GTF2B: variants seen among roughly 807,000 people sequenced by gnomAD.
GTF2B encodes general transcription factor IIB.
In GTF2B, 20 loss-of-function variants were observed where a neutral mutation model predicts 34.6. The ratio of observed to expected loss-of-function variants is 0.58; its 90% CI spans 0.41 to 0.84. The LOEUF is 0.84. Among genes scored for constraint, GTF2B ranks in the 40% least tolerant of loss-of-function variants. The pLI is 0.00. For missense variants in GTF2B, 237 were observed against 393.3 expected, an observed-to-expected ratio of 0.60 and a Z score of 3.36; for synonymous variants, 142 against 132.4, an observed-to-expected ratio of 1.07 and a Z score of -0.50.
intron 2 of GTF2B, among the ~76,000 whole-genome samples, chr1:88,869,449 CAAAACTTTTT>C (rs1245047472): frequency 6.6e-6 from 1 of 151,928 alleles, no homozygotes; most frequent in Non-Finnish European, 1.5e-5. Context: ...AAATATATCT[CAAAACTTTTT>C]GAAATTTTTT....
chr1:88,872,572 A>G (rs1187767779), intron 2 of GTF2B, among the ~76,000 whole-genome samples: 1 of 151,902 alleles, frequency 6.6e-6, no homozygotes, highest in Non-Finnish European at 1.5e-5. Context: ...GCTATGCACA[A>G]TTCTTGATTT....
At chr1:88,876,770 T>G (rs953825498) in intron 2 of GTF2B, among the ~76,000 whole-genome samples, 3 of 152,230 alleles carry the variant, frequency 2.0e-5, no homozygotes, top group African/African-American at 7.2e-5. Flanking sequence ...GACTCAGCAA[T>G]TCTGAGATGT....
At chr1:88,882,224 C>T (rs899532133) in intron 2 of GTF2B, among the ~76,000 whole-genome samples, 4 of 146,634 alleles carry the variant, frequency 2.7e-5, no homozygotes, top group Non-Finnish European at 5.9e-5. Flanking sequence ...GTACAAGAAT[C>T]GCTTGAACCC....
At chr1:88,857,514 A>T in intron 5 of GTF2B, 27 bp from the exon 6 acceptor site, 1 of 1,225,968 alleles carries the variant, frequency 8.2e-7, no homozygotes. Context: ...TAAATAAATC[A>T]ATTCACTTAA....
intron 2 of GTF2B, among the ~76,000 whole-genome samples, chr1:88,871,465 A>T (rs1673692173): frequency 6.6e-6 from 1 of 152,240 alleles, no homozygotes; most frequent in South Asian, 2.1e-4. Flanking sequence ...GGGGGAAGGG[A>T]AATGTGGGAA....
At chr1:88,855,599 C>T (rs1388755347) in intron 6 of GTF2B, among the ~76,000 whole-genome samples, 2 of 151,468 alleles carry the variant, frequency 1.3e-5, no homozygotes, top group African/African-American at 4.9e-5. Context: ...GCAATCCACT[C>T]ACCTTGGCCT....
chr1:88,870,643 A>G (rs1477352071), intron 2 of GTF2B, among the ~76,000 whole-genome samples: 5 of 152,186 alleles, frequency 3.3e-5, no homozygotes, highest in African/African-American at 1.2e-4. Flanking sequence ...TGACTATTCT[A>G]GAGAACCCCA....
intron 5 of GTF2B, chr1:88,858,614 AAAG>A (rs1490345332): frequency 1.3e-5 from 2 of 152,224 alleles, no homozygotes; most frequent in African/African-American, 4.8e-5. Context: ...AAACAACAAA[AAAG>A]ATGATGATAA....
chr1:88,888,546 G>C (rs1178204533), intron 1 of GTF2B, among the ~76,000 whole-genome samples: 2 of 152,154 alleles, frequency 1.3e-5, no homozygotes, highest in African/African-American at 4.8e-5. Context: ...TTGAAATAAA[G>C]GAAAATGTTA....
intron 6 of GTF2B, among the ~76,000 whole-genome samples, chr1:88,855,083 G>A (rs1673273012): frequency 6.6e-6 from 1 of 152,146 alleles, no homozygotes; most frequent in African/African-American, 2.4e-5. Flanking sequence ...TTTTCATGTT[G>A]TTCATTAGAA....
At chr1:88,867,419 G>A (rs1386136612) in intron 2 of GTF2B, among the ~76,000 whole-genome samples, 2 of 152,128 alleles carry the variant, frequency 1.3e-5, no homozygotes, top group African/African-American at 2.4e-5. Context: ...ATACCATGGT[G>A]TTCCCATGCA....
At chr1:88,890,646 A>G (rs772823988) in intron 1 of GTF2B, among the ~76,000 whole-genome samples, 18 of 152,208 alleles carry the variant, frequency 1.2e-4, no homozygotes, top group Non-Finnish European at 2.1e-4. Flanking sequence ...GGCATGACTC[A>G]GTTTACACTT....
chr1:88,887,401 C>A, intron 1 of GTF2B, 34 bp from the exon 2 acceptor site: 4 of 1,224,686 alleles, frequency 3.3e-6, no homozygotes, highest in South Asian at 2.4e-5. Flanking sequence ...TACATCTTCC[C>A]AACCAACATG....
chr1:88,860,039 T>C, intron 4 of GTF2B, 28 bp from the exon 5 acceptor site: 1 of 1,611,880 alleles, frequency 6.2e-7, no homozygotes, highest in Non-Finnish European at 8.5e-7. Context: ...TAAGTTTAAC[T>C]CTACGTCATT....
At chr1:88,870,380 T>C (rs1445084531) in intron 2 of GTF2B, among the ~76,000 whole-genome samples, 1 of 152,214 alleles carries the variant, frequency 6.6e-6, no homozygotes, top group Non-Finnish European at 1.5e-5. Context: ...CCCACTAATA[T>C]ACTACTGATT....
At chr1:88,857,089 C>G (rs1673330403) in intron 6 of GTF2B, 117 bp downstream of exon 6, 1 of 915,072 alleles carries the variant, frequency 1.1e-6, no homozygotes, top group East Asian at 2.4e-5. Flanking sequence ...GTGTGAGCCC[C>G]CGCGCCTGGT....
intron 2 of GTF2B, among the ~76,000 whole-genome samples, chr1:88,875,827 A>T (rs191570251): frequency 6.6e-6 from 1 of 152,234 alleles, no homozygotes; most frequent in Non-Finnish European, 1.5e-5. Flanking sequence ...ACTCTCAGTG[A>T]CCAACCAGCA....
chr1:88,856,883 C>A (rs1311109335), intron 6 of GTF2B, among the ~76,000 whole-genome samples: 1 of 148,894 alleles, frequency 6.7e-6, no homozygotes, highest in Non-Finnish European at 1.5e-5. Flanking sequence ...CTTGCTGTAA[C>A]CTCCACCTCC....
intron 1 of GTF2B, among the ~76,000 whole-genome samples, chr1:88,889,633 A>G (rs1184700222): frequency 6.6e-6 from 1 of 152,266 alleles, no homozygotes; most frequent in Non-Finnish European, 1.5e-5. Context: ...ATTTGAACTC[A>G]GAACATTTGT....
Sources: allele counts gnomAD v4.1 joint callset (sites outside exome capture counted in the v4.1 genomes callset), GRCh38; gene constraint gnomAD v4.1.1; transcripts MANE v1.5; gene names NCBI Gene and HGNC (gene_info 2026-07-23, HGNC 2026-07-21).